SGCZ: variants seen among roughly 807,000 people sequenced by gnomAD.
The protein encoded by SGCZ is zeta-sarcoglycan.
SGCZ carries 40 observed loss-of-function variants against 41.3 expected under a neutral mutation model. The observed-to-expected ratio is 0.97, with a 90% CI of 0.75 to 1.26. The LOEUF is 1.26. Among genes scored for constraint, SGCZ ranks in the 50% most tolerant of loss-of-function variants. The pLI is 0.00. For missense variants in SGCZ, 552 were observed against 369.8 expected (o/e 1.49, Z -4.04); for synonymous variants, 206 against 137.5 (o/e 1.50, Z -3.49).
chr8:15,221,433 G>A (rs1801598498), intron 1 of SGCZ, among the ~76,000 whole-genome samples: 1 of 152,128 alleles, frequency 6.6e-6, no homozygotes, highest in African/African-American at 2.4e-5. Flanking sequence ...TTCTTCAGCA[G>A]CAGGTGGCCA....
chr8:14,523,664 C>G (rs1026421663), intron 2 of SGCZ, among the ~76,000 whole-genome samples: 1 of 151,952 alleles, frequency 6.6e-6, no homozygotes, highest in Admixed American at 6.6e-5. Context: ...TTTGAATTTT[C>G]CACATTTTAG....
rs1391638283 is a variant in SGCZ at position 14,924,968 on chromosome 8, G to C, written c.39+312617C>G. ...TGCCTTTTGGGTTCAAGCGATTCTT[G>C]TGCCTCAGCCTCCCGAGTAGCTGCA... On this transcript the variant is annotated intron_variant, in intron 1 of 7. Coordinates refer to ENST00000382080, the MANE Select transcript of SGCZ (RefSeq NM_139167.4). Among the ~76,000 whole-genome samples, 6 of 144,602 alleles carry C rather than the reference G, an allele frequency of 4.1e-5. No individual in the cohort carries two copies. In the South Asian group the frequency reaches 1.1e-3, roughly 26 times the overall value. The allele number at this position is 144,602 out of a possible 152,430, so 94.9% of individuals were successfully genotyped here. A position where few individuals can be genotyped will look rare whatever the true frequency, so the allele number is the denominator to read the frequency against.
intron 1 of SGCZ, among the ~76,000 whole-genome samples, chr8:14,653,080 T>G (rs896285280): frequency 6.6e-6 from 1 of 152,122 alleles, no homozygotes; most frequent in African/African-American, 2.4e-5. Flanking sequence ...CCTCTATGTC[T>G]ATTATCTAGA....
intron 1 of SGCZ, among the ~76,000 whole-genome samples, chr8:14,661,391 G>A (rs1307742643): frequency 6.6e-6 from 1 of 152,112 alleles, no homozygotes; most frequent in Non-Finnish European, 1.5e-5. Flanking sequence ...TTACAGAGTT[G>A]TGTATTTTTA....
At chr8:14,997,770 G>C (rs555184683) in intron 1 of SGCZ, among the ~76,000 whole-genome samples, 19 of 152,124 alleles carry the variant, frequency 1.2e-4, no homozygotes, top group Non-Finnish European at 2.5e-4. Flanking sequence ...GACCAGCCTG[G>C]TCAACTTGGT....
chr8:14,479,257 G>C (rs1224049751), intron 2 of SGCZ, among the ~76,000 whole-genome samples: 1 of 146,638 alleles, frequency 6.8e-6, no homozygotes, highest in Non-Finnish European at 1.5e-5. Context: ...GTAGGTCCAA[G>C]AGTCCAAAAA....
intron 1 of SGCZ, among the ~76,000 whole-genome samples, chr8:14,965,668 A>C (rs1414028419): frequency 6.6e-6 from 1 of 152,180 alleles, no homozygotes; most frequent in Non-Finnish European, 1.5e-5. Flanking sequence ...AAATCAATAC[A>C]TTAAGTGGAG....
chr8:15,059,340 A>G (rs961056355), intron 1 of SGCZ, among the ~76,000 whole-genome samples: 1 of 152,194 alleles, frequency 6.6e-6, no homozygotes, highest in South Asian at 2.1e-4. Flanking sequence ...TAAGGAGCAC[A>G]TGAACTCAAG....
chr8:15,063,541 A>G (rs751976061), intron 1 of SGCZ, among the ~76,000 whole-genome samples: 9 of 152,162 alleles, frequency 5.9e-5, no homozygotes, highest in Non-Finnish European at 1.2e-4. Context: ...CTTTATGACC[A>G]CCAATGATTT....
At chr8:14,157,146 C>T (rs966155552) in intron 5 of SGCZ, among the ~76,000 whole-genome samples, 1 of 151,756 alleles carries the variant, frequency 6.6e-6, no homozygotes, top group African/African-American at 2.4e-5. Context: ...GTGCTCTGAC[C>T]TTAGGATGCT....
intron 1 of SGCZ, among the ~76,000 whole-genome samples, chr8:14,861,386 A>G (rs1452050900): frequency 6.6e-6 from 1 of 152,136 alleles, no homozygotes; most frequent in African/African-American, 2.4e-5. Context: ...AAGAATAGAG[A>G]TAACTTTGCA....
chr8:14,235,705 G>C (rs1048735062), intron 4 of SGCZ, among the ~76,000 whole-genome samples: 2 of 152,038 alleles, frequency 1.3e-5, no homozygotes, highest in African/African-American at 4.8e-5. Flanking sequence ...GTTTTTTTGA[G>C]ACAGAGTCTC....
At chr8:14,413,690 T>A (rs1799420380) in intron 2 of SGCZ, among the ~76,000 whole-genome samples, 1 of 152,044 alleles carries the variant, frequency 6.6e-6, no homozygotes, top group Non-Finnish European at 1.5e-5. Flanking sequence ...CTTTGCCTAT[T>A]TCCTTTTTTG....
intron 1 of SGCZ, among the ~76,000 whole-genome samples, chr8:15,190,706 G>A (rs1325905347): frequency 6.7e-6 from 1 of 149,780 alleles, no homozygotes; most frequent in Non-Finnish European, 1.5e-5. Context: ...TGTGTCGTGG[G>A]GGATGGGGTT....
At chr8:14,253,817 A>C (rs1799370645) in intron 3 of SGCZ, among the ~76,000 whole-genome samples, 1 of 152,156 alleles carries the variant, frequency 6.6e-6, no homozygotes, top group Non-Finnish European at 1.5e-5. Context: ...AAACATTAGC[A>C]AATATTGGTA....
Position 15,083,030 on chromosome 8 carries a change from A to C in SGCZ, c.39+154555T>G, listed in dbSNP as rs1375192430. Among the ~76,000 whole-genome samples, 6 of 152,132 alleles carry C rather than the reference A, an allele frequency of 3.9e-5. No individual in the cohort carries two copies. In the East Asian group the frequency reaches 1.2e-3, roughly 29 times the overall value. ...AGACAAATTTCTGCATGAAAACAGG[A>C]ATGCTCATGTATCTATAGCTTATGA... On this transcript the variant is annotated intron_variant, in intron 1 of 7. Coordinates refer to ENST00000382080, the MANE Select transcript of SGCZ (RefSeq NM_139167.4).
chr8:14,607,361 T>C (rs1452567528), intron 1 of SGCZ, among the ~76,000 whole-genome samples: 1 of 152,170 alleles, frequency 6.6e-6, no homozygotes, highest in Non-Finnish European at 1.5e-5. Context: ...ACTGCTTAAA[T>C]ATAACTTTTA....
intron 1 of SGCZ, among the ~76,000 whole-genome samples, chr8:14,794,276 G>C (rs1393624945): frequency 6.6e-6 from 1 of 152,044 alleles, no homozygotes; most frequent in Non-Finnish European, 1.5e-5. Context: ...ATAGTAGGAT[G>C]CAATAGAGAA....
chr8:14,810,182 A>C (rs1314985160), intron 1 of SGCZ, among the ~76,000 whole-genome samples: 1 of 152,076 alleles, frequency 6.6e-6, no homozygotes, highest in Non-Finnish European at 1.5e-5. Context: ...TAAAAAAGAA[A>C]TAACAAGATA....
Sources: allele counts gnomAD v4.1 joint callset (sites outside exome capture counted in the v4.1 genomes callset), GRCh38; gene constraint gnomAD v4.1.1; transcripts MANE v1.5; gene names NCBI Gene and HGNC (gene_info 2026-07-23, HGNC 2026-07-21).